The following RBFOX1 variants were observed in gnomAD, a reference collection of about 807,000 sequenced individuals.
RBFOX1 encodes the protein RNA binding fox-1 homolog 1, also known as RNA binding protein fox-1 homolog 1.
A neutral mutation model predicts 57.7 loss-of-function variants in RBFOX1; 8 were observed. The observed-to-expected ratio is 0.14, with a 90% CI of 0.08 to 0.25. The LOEUF is 0.25. Ranked by LOEUF, RBFOX1 falls within the 10% of genes least tolerant of loss-of-function variation. RBFOX1 has a pLI of 1.00. For synonymous variants in RBFOX1, 326 were observed against 222.4 expected (o/e 1.47, Z -4.15); for missense variants, 611 against 548.5 (o/e 1.11, Z -1.14).
intron 1 of RBFOX1, among the ~76,000 whole-genome samples, chr16:6,310,369 G>A (rs1270806634): frequency 6.6e-6 from 1 of 152,202 alleles, no homozygotes; most frequent in African/African-American, 2.4e-5. Context: ...TCATCTGGAT[G>A]ATCTTATTGC....
At chr16:5,438,345 T>G (rs2067979100) in intron 1 of RBFOX1, among the ~76,000 whole-genome samples, 1 of 152,190 alleles carries the variant, frequency 6.6e-6, no homozygotes, top group Non-Finnish European at 1.5e-5. Flanking sequence ...CAGATTCATT[T>G]GTTCATTTAT....
chr16:7,066,634 C>A (rs924871148), intron 4 of RBFOX1, among the ~76,000 whole-genome samples: 1 of 152,152 alleles, frequency 6.6e-6, no homozygotes, highest in African/African-American at 2.4e-5. Context: ...AAAGTGTAGA[C>A]AATTTCCCAA....
chr16:6,859,855 C>T (rs930902607), intron 3 of RBFOX1, among the ~76,000 whole-genome samples: 12 of 152,110 alleles, frequency 7.9e-5, no homozygotes, highest in African/African-American at 2.4e-4. Context: ...TTTGAGTATT[C>T]AGAGCTTGCT....
intron 3 of RBFOX1, among the ~76,000 whole-genome samples, chr16:6,768,522 A>G (rs1248282081): frequency 2.0e-5 from 3 of 151,894 alleles, no homozygotes; most frequent in African/African-American, 4.8e-5. Flanking sequence ...AATAGTATCT[A>G]TTTTCTATAC....
intron 4 of RBFOX1, among the ~76,000 whole-genome samples, chr16:7,063,083 C>T (rs1436922878): frequency 6.6e-6 from 1 of 151,930 alleles, no homozygotes; most frequent in Non-Finnish European, 1.5e-5. Flanking sequence ...CAATGCCTCC[C>T]TGATGCCTCT....
At chr16:5,707,897 C>G (rs1020899251) in intron 3 of RBFOX1, among the ~76,000 whole-genome samples, 6 of 152,126 alleles carry the variant, frequency 3.9e-5, no homozygotes, top group Admixed American at 1.3e-4. Context: ...CAGCTCTGTA[C>G]TTAATACTAT....
intron 3 of RBFOX1, among the ~76,000 whole-genome samples, chr16:5,615,376 A>G (rs1030699117): frequency 3.3e-5 from 5 of 152,168 alleles, no homozygotes; most frequent in African/African-American, 4.8e-5. Context: ...CCACTTTTTG[A>G]TGTGTGCTTG....
At chr16:6,472,162 T>A (rs2095191319) in intron 2 of RBFOX1, among the ~76,000 whole-genome samples, 1 of 152,206 alleles carries the variant, frequency 6.6e-6, no homozygotes, top group South Asian at 2.1e-4. Context: ...CAATTCCACA[T>A]TTCTTGGAGA....
chr16:6,656,237 G>C (rs1172009877), intron 3 of RBFOX1, among the ~76,000 whole-genome samples: 5 of 152,152 alleles, frequency 3.3e-5, no homozygotes, highest in Admixed American at 6.5e-5. Flanking sequence ...TCCCCAACCT[G>C]CTTCCAAAGG....
chr16:7,094,581 A>G (rs1177902658), intron 4 of RBFOX1, among the ~76,000 whole-genome samples: 1 of 151,550 alleles, frequency 6.6e-6, no homozygotes, highest in Non-Finnish European at 1.5e-5. Context: ...TGTATTGGGA[A>G]ACACTCTTTG....
At chr16:6,782,840 C>A (rs1026054047) in intron 3 of RBFOX1, among the ~76,000 whole-genome samples, 2 of 152,070 alleles carry the variant, frequency 1.3e-5, no homozygotes, top group Non-Finnish European at 2.9e-5. Flanking sequence ...CTTAGCATTC[C>A]CAACTATCAT....
At chr16:7,577,735 C>T (rs2093446810) in intron 5 of RBFOX1, among the ~76,000 whole-genome samples, 1 of 152,194 alleles carries the variant, frequency 6.6e-6, no homozygotes, top group South Asian at 2.1e-4. Flanking sequence ...GTGACCCAGG[C>T]TCTGCAAATA....
chr16:7,016,245 G>C (rs1048585026), intron 3 of RBFOX1, among the ~76,000 whole-genome samples: 1 of 152,202 alleles, frequency 6.6e-6, no homozygotes, highest in South Asian at 2.1e-4. Flanking sequence ...TATGTGGAAC[G>C]GGACCTGCCT....
At chr16:6,597,175 A>G (rs908919046) in intron 2 of RBFOX1, among the ~76,000 whole-genome samples, 3 of 152,336 alleles carry the variant, frequency 2.0e-5, no homozygotes. Flanking sequence ...TTTATAAATT[A>G]CTAAGGACGA....
chr16:7,699,067 G>A (rs557645256), intron 14 of RBFOX1, among the ~76,000 whole-genome samples: 1 of 152,232 alleles, frequency 6.6e-6, no homozygotes, highest in African/African-American at 2.4e-5. Context: ...GCCTTCCCCT[G>A]CCCCTGAGAT....
At chr16:5,605,294 T>C (rs2047531865) in intron 3 of RBFOX1, among the ~76,000 whole-genome samples, 2 of 152,224 alleles carry the variant, frequency 1.3e-5, no homozygotes. Flanking sequence ...TCAGGCTCTT[T>C]CTGCTCTCAC....
In RBFOX1 at chr16:5,902,900, A is replaced by G. The variant is rs898637159; in HGVS notation, c.351+35565A>G. ...ACCTCCAAGCTCTGCCCACATGGACACTTTGACGCGTATCGAAGTGACCAT... is the reference window on the plus strand; with the variant it reads ...ACCTCCAAGCTCTGCCCACATGGACGCTTTGACGCGTATCGAAGTGACCAT... On this transcript the variant is annotated intron_variant, in intron 4 of 19. Coordinates refer to the RBFOX1 transcript ENST00000641259. 9.9e-5 allele frequency among the ~76,000 whole-genome samples: 15 copies of G among 152,120 alleles called. 1 individual carries two copies. Among genetic ancestry groups the G allele is most frequent in the Admixed American group, 9.2e-4 (14 of 15,272 alleles).
intron 2 of RBFOX1, among the ~76,000 whole-genome samples, chr16:6,520,166 A>G (rs1233996573): frequency 1.3e-5 from 2 of 152,196 alleles, no homozygotes; most frequent in Non-Finnish European, 2.9e-5. Context: ...GTATGCAAAC[A>G]ACATTTCTTC....
intron 3 of RBFOX1, chr16:6,722,029 G>A (rs1182434423): frequency 1.3e-5 from 2 of 152,222 alleles, no homozygotes; most frequent in African/African-American, 4.8e-5. Context: ...AGGTTAAATG[G>A]TATTTCCTCC....
Sources: allele counts gnomAD v4.1 joint callset (sites outside exome capture counted in the v4.1 genomes callset), GRCh38; gene constraint gnomAD v4.1.1; transcripts MANE v1.5; gene names NCBI Gene and HGNC (gene_info 2026-07-23, HGNC 2026-07-21).